MGAM2: variants seen among roughly 807,000 people sequenced by gnomAD.
MGAM2 encodes probable maltase-glucoamylase 2.
MGAM2 carries 98 observed loss-of-function variants against 96.1 expected under a neutral mutation model. The ratio of observed to expected loss-of-function variants is 1.02; its 90% CI spans 0.87 to 1.21. The LOEUF (loss-of-function observed/expected upper bound fraction) is 1.21, where lower values mean the gene tolerates loss of function less well. MGAM2 is among the 50% of genes most tolerant of loss of function. The pLI is 0.00. For synonymous variants in MGAM2, 749 were observed against 414.8 expected (o/e 1.81, Z -9.79); for missense variants, 2,055 against 1,182.4 (o/e 1.74, Z -10.82).
At chr7:142,120,482 C>A in intron 3 of MGAM2, 101 bp downstream of exon 3, 1 of 590,626 alleles carries the variant, frequency 1.7e-6, no homozygotes. Flanking sequence ...GCTTCTGGGC[C>A]TCTGATTTGT....
At chr7:142,168,316 C>G (rs775864015) in intron 26 of MGAM2, among the ~76,000 whole-genome samples, 6 of 150,626 alleles carry the variant, frequency 4.0e-5, no homozygotes, top group Non-Finnish European at 8.9e-5. Context: ...GTTGCCCAGG[C>G]TGGAGTGTAG....
At chr7:142,157,623 C>G (rs1187899532) in intron 17 of MGAM2, among the ~76,000 whole-genome samples, 1 of 152,136 alleles carries the variant, frequency 6.6e-6, no homozygotes, top group African/African-American at 2.4e-5. Context: ...ATCTCCTGAC[C>G]TCGTGATCTG....
chr7:142,163,524 C>T (rs2129087426), intron 23 of MGAM2, among the ~76,000 whole-genome samples: 1 of 152,346 alleles, frequency 6.6e-6, no homozygotes, highest in Non-Finnish European at 1.5e-5. Context: ...TCATGATCCG[C>T]CCGCCTCACC....
chr7:142,196,185 G>T lies in MGAM2; in HGVS notation c.4378G>T (p.Val1460Phe). The part of the protein sequence containing the change: ...AVQEVTGQRG[V>F]IITRSTFPSS... ...GCAGGAGGTGACAGGACAGCGAGGG[G>T]TCATCATCACCCGCTCCACATTTCC... Residue 1460 changes from valine to phenylalanine, a missense_variant, in exon 38 of 48, where the codon GTC becomes TTC. Physicochemically the swap from Val to Phe is conservative, Grantham distance 50. Coordinates refer to ENST00000477922, the MANE Select transcript of MGAM2 (RefSeq NM_001293626.2). 2 of 1,202,800 alleles carry T rather than the reference G, an allele frequency of 1.7e-6. No individual in the cohort carries two copies. Among genetic ancestry groups the T allele is most frequent in the Non-Finnish European group, 2.4e-6 (2 of 826,808 alleles). 74.5% of individuals were successfully genotyped at this position (1,202,800 alleles called of 1,614,324 possible).
At chr7:142,179,932 G>C (rs1796489206) in intron 32 of MGAM2, among the ~76,000 whole-genome samples, 1 of 152,022 alleles carries the variant, frequency 6.6e-6, no homozygotes, top group South Asian at 2.1e-4. Flanking sequence ...CAGTAGGATT[G>C]GAACCAGCTC....
chr7:142,187,661 A>G (rs1277624411), intron 35 of MGAM2, 89 bp from the exon 36 acceptor site: 2 of 646,814 alleles, frequency 3.1e-6, no homozygotes, highest in Non-Finnish European at 5.6e-6. Context: ...TGAGGGCTTC[A>G]AAAGTCATCT....
chr7:142,143,744 G>T (rs1462878241), intron 12 of MGAM2, 25 bp from the exon 13 acceptor site: 1 of 550,362 alleles, frequency 1.8e-6, no homozygotes, highest in African/African-American at 1.9e-5. Flanking sequence ...CAAGCTGATT[G>T]CCACTGCCTT....
intron 3 of MGAM2, among the ~76,000 whole-genome samples, chr7:142,129,825 C>CAAAAAAAAAAAAAAAAAAAAAA (rs71166564): frequency 2.4e-4 from 8 of 33,406 alleles, no homozygotes; most frequent in African/African-American, 5.8e-4. Context: ...AACTCTGTCT[C>CAAAAAAAAAAAAAAAAAAAAAA]AAAAAAAAAA....
intron 6 of MGAM2, among the ~76,000 whole-genome samples, chr7:142,132,682 A>G (rs1157041574): frequency 7.9e-6 from 1 of 126,888 alleles, no homozygotes; most frequent in African/African-American, 3.1e-5. Context: ...ATTAATTATA[A>G]TATAATTAAT....
chr7:142,144,232 A>C (rs550507803), intron 13 of MGAM2, among the ~76,000 whole-genome samples: 3 of 152,348 alleles, frequency 2.0e-5, no homozygotes, highest in African/African-American at 7.2e-5. Flanking sequence ...TCATTAGAGA[A>C]TAATTTAATG....
intron 45 of MGAM2, among the ~76,000 whole-genome samples, chr7:142,207,717 C>T (rs1004321615): frequency 6.6e-6 from 1 of 152,104 alleles, no homozygotes; most frequent in Admixed American, 6.5e-5. Context: ...TCGTGAGCCA[C>T]CGCGCCCAGC....
intron 45 of MGAM2, chr7:142,208,257 A>C (rs1187878989): frequency 3.9e-6 from 2 of 507,380 alleles, no homozygotes; most frequent in Admixed American, 2.3e-5. Flanking sequence ...CTATGACTAC[A>C]TGCTTGCTGT....
chr7:142,130,166 C>G (rs1191198295), intron 3 of MGAM2, among the ~76,000 whole-genome samples: 1 of 152,100 alleles, frequency 6.6e-6, no homozygotes, highest in Non-Finnish European at 1.5e-5. Context: ...GAGAAAGAAC[C>G]ACATGTGATT....
In MGAM2 at chr7:142,187,968, A is replaced by C; in HGVS notation, c.4207+134A>C. The C allele has an allele frequency of 1.7e-5, 10 of 598,260 alleles. 2 individuals carry two copies. In the South Asian group the frequency reaches 2.0e-4, roughly 12 times the overall value. The allele number at this position is 598,260 out of a possible 1,614,324, so 37.1% of individuals were successfully genotyped here. On this transcript the variant is annotated intron_variant, in intron 36 of 47. Transcript: ENST00000477922. ...AACATGACATGAAATCCCAAGTAAG[A>C]TAACCTTGAATAAGTGCAGCTAAAC...
At chr7:142,137,667 G>A in intron 9 of MGAM2, 122 bp downstream of exon 9, 2 of 459,376 alleles carry the variant, frequency 4.4e-6, no homozygotes, top group African/African-American at 2.0e-5. Flanking sequence ...CTGGGATAGT[G>A]AGTCTTTCAT....
intron 1 of MGAM2, among the ~76,000 whole-genome samples, chr7:142,112,760 A>G (rs1563241849): frequency 6.6e-6 from 1 of 152,184 alleles, no homozygotes. Context: ...AAATCATGAT[A>G]TCTGTCTGAT....
intron 37 of MGAM2, among the ~76,000 whole-genome samples, chr7:142,195,912 G>T (rs961292503): frequency 6.6e-6 from 1 of 152,096 alleles, no homozygotes; most frequent in Non-Finnish European, 1.5e-5. Context: ...TTACTCCAGG[G>T]TGATAGTTAA....
chr7:142,192,018 G>T (rs1796886548), intron 37 of MGAM2, among the ~76,000 whole-genome samples: 1 of 151,984 alleles, frequency 6.6e-6, no homozygotes, highest in Non-Finnish European at 1.5e-5. Context: ...GGAAATTTCA[G>T]ACTTGTTCTT....
Position 142,172,212 on chromosome 7 carries a change from C to T in MGAM2, c.3448+18C>T. 1 of 702,860 alleles carries T rather than the reference C, an allele frequency of 1.4e-6. No individual in the cohort carries two copies. The highest frequency in any genetic ancestry group is 2.6e-6 in the Non-Finnish European group (1 of 384,740). 43.5% of individuals were successfully genotyped at this position (702,860 alleles called of 1,614,324 possible). A position where few individuals can be genotyped will look rare whatever the true frequency, so the allele number is the denominator to read the frequency against. On this transcript the variant is annotated intron_variant, in intron 29 of 47. Transcript: ENST00000477922. ...TGCCATGGGTAAGGCATAGGCACAG[C>T]TCCCATGCACCACCAGAAACAGCTG...
Sources: gnomAD v4.1 joint callset for allele counts (sites outside exome capture counted in the v4.1 genomes callset) on GRCh38, gnomAD v4.1.1 for gene constraint, MANE v1.5 for transcripts, NCBI Gene and HGNC (gene_info 2026-07-23, HGNC 2026-07-21) for gene names.